Variants in CPQ observed in about 807,000 individuals in gnomAD.
The protein encoded by CPQ is carboxypeptidase Q.
CPQ carries 37 observed loss-of-function variants against 45.7 expected under a neutral mutation model. The observed-to-expected ratio is 0.81, with a 90% confidence interval of 0.62 to 1.07. The LOEUF (loss-of-function observed/expected upper bound fraction) is 1.07, where lower values mean the gene tolerates loss of function less well. CPQ is among the 50% of genes least tolerant of loss of function. The probability of loss-of-function intolerance (pLI) is 0.00; values close to 1 mark genes in which losing one functional copy is unlikely to be tolerated. For missense variants in CPQ, 537 were observed against 572.9 expected, an observed-to-expected ratio of 0.94 and a Z score of 0.64; for synonymous variants, 186 against 205.8, an observed-to-expected ratio of 0.90 and a Z score of 0.82.
At chr8:96,968,626 A>G (rs1813610569) in intron 5 of CPQ, among the ~76,000 whole-genome samples, 1 of 152,230 alleles carries the variant, frequency 6.6e-6, no homozygotes, top group South Asian at 2.1e-4. Context: ...TTTGGATGCT[A>G]TTCCTTGGAT....
chr8:96,854,557 A>AAC (rs1554573254), intron 3 of CPQ, among the ~76,000 whole-genome samples: 1 of 76,866 alleles, frequency 1.3e-5, no homozygotes, highest in Non-Finnish European at 2.7e-5. Context: ...AAAAAAAAAA[A>AAC]AATGTGGTGG....
At chr8:96,902,266 C>T (rs1026616299) in intron 4 of CPQ, among the ~76,000 whole-genome samples, 4 of 152,146 alleles carry the variant, frequency 2.6e-5, no homozygotes, top group African/African-American at 7.2e-5. Context: ...ATTTAATTCT[C>T]ACAGAAATAT....
At chr8:96,981,866 A>G (rs1813904549) in intron 5 of CPQ, among the ~76,000 whole-genome samples, 1 of 152,184 alleles carries the variant, frequency 6.6e-6, no homozygotes, top group African/African-American at 2.4e-5. Flanking sequence ...TAAATCCTCA[A>G]AGCCGCCCTG....
chr8:96,828,665 C>CGG (rs1811408680), intron 2 of CPQ, among the ~76,000 whole-genome samples: 1 of 151,978 alleles, frequency 6.6e-6, no homozygotes, highest in Non-Finnish European at 1.5e-5. Context: ...TAGATGACAG[C>CGG]GGTTTTCATG....
chr8:96,797,870 T>C (rs1467494884), intron 2 of CPQ, among the ~76,000 whole-genome samples: 1 of 151,996 alleles, frequency 6.6e-6, no homozygotes, highest in African/African-American at 2.4e-5. Flanking sequence ...GCTAGTGTGG[T>C]GAAACCCAGT....
chr8:96,893,629 T>C (rs1017458851), intron 4 of CPQ, among the ~76,000 whole-genome samples: 3 of 152,162 alleles, frequency 2.0e-5, no homozygotes, highest in Non-Finnish European at 4.4e-5. Context: ...GACAAAATAA[T>C]TGGACTAAGG....
chr8:96,719,719 T>C (rs923104552), intron 1 of CPQ, among the ~76,000 whole-genome samples: 14 of 152,210 alleles, frequency 9.2e-5, no homozygotes, highest in African/African-American at 3.4e-4. Context: ...GGATCAGGAA[T>C]GGCTTCCCTC....
At chr8:96,664,072 G>A (rs1238417751) in intron 1 of CPQ, among the ~76,000 whole-genome samples, 1 of 152,184 alleles carries the variant, frequency 6.6e-6, no homozygotes, top group Non-Finnish European at 1.5e-5. Flanking sequence ...AATGATCTAT[G>A]TAAAATGCAG....
chr8:96,896,423 T>A (rs1451789659), intron 4 of CPQ, among the ~76,000 whole-genome samples: 1 of 152,186 alleles, frequency 6.6e-6, no homozygotes, highest in Non-Finnish European at 1.5e-5. Context: ...CCCAGAAGAC[T>A]CTGTTCCATG....
chr8:96,812,690 G>A (rs75596663), intron 2 of CPQ, among the ~76,000 whole-genome samples: 6,992 of 152,026 alleles, frequency 0.046, 191 homozygotes, highest in Middle Eastern at 0.1. Context: ...GGGCCTTCAC[G>A]ATCTTTCTTA....
intron 3 of CPQ, among the ~76,000 whole-genome samples, chr8:96,848,652 G>C (rs922911014): frequency 2.6e-5 from 4 of 152,124 alleles, no homozygotes; most frequent in Non-Finnish European, 4.4e-5. Context: ...CAGCTTTATA[G>C]CTTTTTTATT....
At chr8:96,975,669 G>T (rs2130379555) in intron 5 of CPQ, among the ~76,000 whole-genome samples, 1 of 152,102 alleles carries the variant, frequency 6.6e-6, no homozygotes, top group African/African-American at 2.4e-5. Flanking sequence ...TTCATACTAG[G>T]GATGCAGGGT....
chr8:96,816,564 C>T (rs1811231347), intron 2 of CPQ, among the ~76,000 whole-genome samples: 1 of 152,034 alleles, frequency 6.6e-6, no homozygotes, highest in Admixed American at 6.6e-5. Flanking sequence ...TGAATCTTTT[C>T]CAGAAGGTTG....
intron 4 of CPQ, among the ~76,000 whole-genome samples, chr8:96,916,010 G>T (rs777364227): frequency 2.0e-5 from 3 of 152,140 alleles, no homozygotes; most frequent in Non-Finnish European, 4.4e-5. Context: ...ATCCCTGTAA[G>T]AATGGAAAAG....
intron 4 of CPQ, among the ~76,000 whole-genome samples, chr8:96,928,454 CAG>C (rs1001786584): frequency 5.9e-5 from 9 of 151,428 alleles, no homozygotes; most frequent in Non-Finnish European, 8.8e-5. Context: ...GAGAGACAGA[CAG>C]GGAGAGAGAG....
chr8:96,969,266 A>G (rs1261842947), intron 5 of CPQ, among the ~76,000 whole-genome samples: 3 of 152,246 alleles, frequency 2.0e-5, no homozygotes, highest in Non-Finnish European at 2.9e-5. Flanking sequence ...TTGAAAGTCT[A>G]TGTCTTAGAA....
chr8:97,008,648 CCT>C (rs1809429434), intron 5 of CPQ, among the ~76,000 whole-genome samples: 1 of 152,146 alleles, frequency 6.6e-6, no homozygotes, highest in African/African-American at 2.4e-5. Context: ...ATCAGGAGAA[CCT>C]GGCTTTAAGT....
chr8:96,732,840 G>A (rs973733175), intron 1 of CPQ, among the ~76,000 whole-genome samples: 12 of 152,258 alleles, frequency 7.9e-5, no homozygotes, highest in African/African-American at 2.9e-4. Context: ...GAGTTCACTT[G>A]TCCACAACTT....
chr8:97,046,472 T>C (rs2130499815), intron 6 of CPQ, among the ~76,000 whole-genome samples: 1 of 152,352 alleles, frequency 6.6e-6, no homozygotes, highest in Non-Finnish European at 1.5e-5. Flanking sequence ...AAAACATGTA[T>C]AAACAACAAT....
Sources: allele counts gnomAD v4.1 joint callset (sites outside exome capture counted in the v4.1 genomes callset), GRCh38; gene constraint gnomAD v4.1.1; transcripts MANE v1.5; gene names NCBI Gene and HGNC (gene_info 2026-07-23, HGNC 2026-07-21).